The following LPIN1 variants were observed in gnomAD, a reference collection of about 807,000 sequenced individuals.
The protein encoded by LPIN1 is phosphatidate phosphatase LPIN1.
In LPIN1, 71 loss-of-function variants were observed where a neutral mutation model predicts 107.5. The observed-to-expected ratio is 0.66, with a 90% confidence interval of 0.55 to 0.80. LPIN1 has a LOEUF of 0.80. LPIN1 is among the 30% of genes least tolerant of loss of function. The pLI is 0.00. For missense variants in LPIN1, 1,043 were observed against 1,160.6 expected, an observed-to-expected ratio of 0.90 and a Z score of 1.47; for synonymous variants, 445 against 452.6, an observed-to-expected ratio of 0.98 and a Z score of 0.21.
chr2:11,787,804 G>A (rs566442913), intron 11 of LPIN1, among the ~76,000 whole-genome samples: 50 of 152,044 alleles, frequency 3.3e-4, no homozygotes, highest in African/African-American at 1.1e-3. Context: ...AGCTGGGCGC[G>A]GTGGCGGGCG....
intron 10 of LPIN1, among the ~76,000 whole-genome samples, chr2:11,785,463 C>T (rs1164409921): frequency 6.6e-6 from 1 of 152,104 alleles, no homozygotes; most frequent in Non-Finnish European, 1.5e-5. Context: ...GGGAACTTTT[C>T]CCAGCTGGAT....
In LPIN1 at chr2:11,733,135, G is replaced by A. The variant is rs116331738; in HGVS notation, c.-71-8214G>A. On this transcript the variant is annotated intron_variant, in intron 1 of 21. Transcript: ENST00000396097. ...AGAAAAATGCACCCCATGACCTGTC[G>A]GTTTAGCAACCACTTGATCTAATTT... 5.6e-3 allele frequency among the ~76,000 whole-genome samples: 846 copies of A among 152,102 alleles called. 14 individuals carry two copies. Among genetic ancestry groups the A allele is most frequent in the African/African-American group, 0.019 (801 of 41,444 alleles).
upstream of LPIN1, among the ~76,000 whole-genome samples, chr2:11,719,905 C>A (rs1426143695): frequency 1.7e-4 from 26 of 150,550 alleles, no homozygotes. Context: ...ACAGAATGGT[C>A]ATTTTTTGTT....
chr2:11,715,886 A>G (rs1284618880), intron 2 of LPIN1, among the ~76,000 whole-genome samples: 1 of 152,100 alleles, frequency 6.6e-6, no homozygotes, highest in African/African-American at 2.4e-5. Flanking sequence ...TCCTACAGGT[A>G]ATGGTATACA....
intron 1 of LPIN1, among the ~76,000 whole-genome samples, chr2:11,725,503 C>T (rs537405820): frequency 3.9e-5 from 6 of 152,142 alleles, no homozygotes; most frequent in Non-Finnish European, 7.3e-5. Flanking sequence ...TGGAAGTAGG[C>T]GACATCTGTC....
At chr2:11,680,622 A>C (rs1661662751) in intron 1 of LPIN1, among the ~76,000 whole-genome samples, 1 of 152,142 alleles carries the variant, frequency 6.6e-6, no homozygotes, top group Admixed American at 6.5e-5. Context: ...GATTTCAATA[A>C]ACAGAGCTGA....
In LPIN1 at chr2:11,771,721, C is replaced by G; in HGVS notation, c.596+42C>G. The G allele has an allele frequency of 6.6e-7, 1 of 1,512,568 alleles. No individual in the cohort carries two copies. Among genetic ancestry groups the G allele is most frequent in the South Asian group, 1.2e-5 (1 of 83,234 alleles). 93.7% of individuals were successfully genotyped at this position (1,512,568 alleles called of 1,614,324 possible). On this transcript the variant is annotated intron_variant, in intron 4 of 20. Coordinates refer to ENST00000674199, the MANE Select transcript of LPIN1 (RefSeq NM_001349206.2). The surrounding 1 kb of genome is among the most constrained non-coding windows in gnomAD (Gnocchi z 4.8). ...GTGGAGGGGCTGTGCCAGAATCAGA[C>G]AGTTAACTGTTCAAGATTATTTTTA...
intron 1 of LPIN1, among the ~76,000 whole-genome samples, chr2:11,747,249 C>A (rs1667102487): frequency 6.6e-6 from 1 of 152,228 alleles, no homozygotes; most frequent in African/African-American, 2.4e-5. Flanking sequence ...TTACAGCTCT[C>A]CCCTGCGAGG....
At chr2:11,719,406 G>C (rs1026288978), upstream of LPIN1, among the ~76,000 whole-genome samples, 8 of 152,176 alleles carry the variant, frequency 5.3e-5, no homozygotes, top group African/African-American at 1.9e-4. Flanking sequence ...GTGCCTGCTT[G>C]AGTTCTGTAG....
chr2:11,752,129 C>A (rs1667893356), intron 1 of LPIN1, among the ~76,000 whole-genome samples: 1 of 152,162 alleles, frequency 6.6e-6, no homozygotes, highest in Non-Finnish European at 1.5e-5. Flanking sequence ...TGTATTTGTA[C>A]AATCAGTTCC....
At chr2:11,806,725 G>A (rs948709789) in intron 17 of LPIN1, among the ~76,000 whole-genome samples, 1 of 152,008 alleles carries the variant, frequency 6.6e-6, no homozygotes, top group African/African-American at 2.4e-5. Flanking sequence ...ACTAATAAAA[G>A]AGGCTGAGAT....
chr2:11,740,305 A>G (rs577235561), intron 1 of LPIN1, among the ~76,000 whole-genome samples: 9 of 152,142 alleles, frequency 5.9e-5, no homozygotes, highest in Non-Finnish European at 1.2e-4. Flanking sequence ...CCAAATGCCA[A>G]CCTCTACCAG....
At chr2:11,719,325 A>T (rs781368019) in intron 2 of LPIN1, among the ~76,000 whole-genome samples, 1 of 152,192 alleles carries the variant, frequency 6.6e-6, no homozygotes, top group Non-Finnish European at 1.5e-5. Context: ...TGCCTGGAAG[A>T]TCCAACTGGT....
Position 11,826,527 on chromosome 2 carries a change from A to AG in LPIN1, c.*1736_*1737insG, listed in dbSNP as rs1490011813. 6.6e-6 allele frequency: 1 copy of AG among 151,990 alleles called. No homozygotes were observed. The highest frequency in any genetic ancestry group is 1.9e-4 in the East Asian group (1 of 5,190). 9.4% of individuals were successfully genotyped at this position (151,990 alleles called of 1,614,324 possible). A position where few individuals can be genotyped will look rare whatever the true frequency, so the allele number is the denominator to read the frequency against. On this transcript the variant is annotated 3_prime_UTR_variant, in exon 21 of 21. Transcript: ENST00000674199. ...AGACTCCATGTCAAAAAAAAAAAAA[A>AG]AAAAAAAAAAGTCCTGCCTTAACTA...
At chr2:11,677,812 C>A in intron 1 of LPIN1, 2 of 1,207,600 alleles carry the variant, frequency 1.7e-6, no homozygotes, top group East Asian at 2.5e-5. Flanking sequence ...ACTGATGGGA[C>A]CCGGGGAACA....
intron 1 of LPIN1, among the ~76,000 whole-genome samples, chr2:11,737,118 A>G (rs1039581806): frequency 2.6e-5 from 4 of 152,250 alleles, no homozygotes; most frequent in African/African-American, 9.6e-5. Flanking sequence ...AAACCTGACA[A>G]AAACAAGCAA....
intron 1 of LPIN1, among the ~76,000 whole-genome samples, chr2:11,757,227 T>C (rs1668820170): frequency 6.6e-6 from 1 of 152,212 alleles, no homozygotes. Flanking sequence ...AAGCCTTCCA[T>C]TTGGTCCTCT....
At chr2:11,805,503 T>C in intron 17 of LPIN1, 1 of 386,824 alleles carries the variant, frequency 2.6e-6, no homozygotes, top group Non-Finnish European at 4.9e-6. Flanking sequence ...ATATGTTATA[T>C]ATGCCAAGTG....
At chr2:11,791,868 G>C (rs1203139633) in intron 12 of LPIN1, 46 bp from the exon 13 acceptor site, 3 of 1,604,008 alleles carry the variant, frequency 1.9e-6, no homozygotes, top group Non-Finnish European at 1.7e-6. Context: ...GTGCTAAGTT[G>C]ATCTTTTTTT....
Sources: gnomAD v4.1 joint callset for allele counts (sites outside exome capture counted in the v4.1 genomes callset) on GRCh38, gnomAD v4.1.1 for gene constraint, Gnocchi (gnomAD v3.1) non-coding constraint, MANE v1.5 for transcripts, NCBI Gene and HGNC (gene_info 2026-07-23, HGNC 2026-07-21) for gene names.